MYO5A: variants seen among roughly 807,000 people sequenced by gnomAD.
The protein encoded by MYO5A is myosin VA.
Under a neutral mutation model 249.7 loss-of-function variants are expected in MYO5A, and 98 were observed. The observed-to-expected ratio is 0.39, with a 90% confidence interval of 0.33 to 0.46. The LOEUF (loss-of-function observed/expected upper bound fraction) is 0.46. Ranked by LOEUF, MYO5A falls within the 20% of genes least tolerant of loss-of-function variation. The probability of loss-of-function intolerance (pLI) is 0.98; values close to 1 mark genes in which losing one functional copy is unlikely to be tolerated. For missense variants in MYO5A, 1,696 were observed against 2,308.8 expected, an observed-to-expected ratio of 0.73 and a Z score of 5.44; for synonymous variants, 778 against 810.6, an observed-to-expected ratio of 0.96 and a Z score of 0.68.
rs1175905384 is a variant in MYO5A, at chr15:52,310,349, G to T, written c.*3347C>A. ...TAACCTGAGGAAAAGCTGCAAAAAG[G>T]GAAATTACTTTTAAATTTTCAGCTT... is the stretch of plus-strand genomic sequence containing the variant. On this transcript the variant is annotated 3_prime_UTR_variant, in exon 42 of 42. Coordinates refer to ENST00000399233, the MANE Select transcript of MYO5A (RefSeq NM_001382347.1). 1 of 152,206 alleles carries T rather than the reference G, an allele frequency of 6.6e-6. No homozygotes were observed. The highest frequency in any genetic ancestry group is 1.5e-5 in the Non-Finnish European group (1 of 68,046). The allele number at this position is 152,206 out of a possible 1,614,324, so 9.4% of individuals were successfully genotyped here.
chr15:52,507,803 C>CAAAAAAAAAAAAA (rs146846192), intron 1 of MYO5A, among the ~76,000 whole-genome samples: 4,930 of 125,450 alleles, frequency 0.039, 313 homozygotes, highest in Non-Finnish European at 0.052. Flanking sequence ...GACCCTGTCC[C>CAAAAAAAAAAAAA]CAAAAAAAAA....
At chr15:52,397,829 C>G (rs565407608) in intron 9 of MYO5A, among the ~76,000 whole-genome samples, 2 of 152,192 alleles carry the variant, frequency 1.3e-5, no homozygotes, top group Non-Finnish European at 2.9e-5. Flanking sequence ...AACATGGTCC[C>G]TGCCCTCCTA....
At chr15:52,342,637 G>A (rs968382581) in intron 31 of MYO5A, among the ~76,000 whole-genome samples, 5 of 152,088 alleles carry the variant, frequency 3.3e-5, no homozygotes, top group South Asian at 2.1e-4. Context: ...TGTTTGGACC[G>A]GGTGTGGTGG....
At chr15:52,351,192 G>A in intron 28 of MYO5A, 62 bp downstream of exon 28, 1 of 1,244,674 alleles carries the variant, frequency 8.0e-7, no homozygotes, top group Non-Finnish European at 1.2e-6. Flanking sequence ...CTGGAGGGAA[G>A]GGATAAGAAG....
Position 52,308,784 on chromosome 15 carries a change from G to A in MYO5A, c.*4912C>T, listed in dbSNP as rs2037690191. ...ATATCCTTTACAGAAGAAAAGTTCT[G>A]GAGAACTTAAGGCAGCTCTAGAAGG... On this transcript the variant is annotated 3_prime_UTR_variant, in exon 42 of 42. Coordinates refer to ENST00000399233, the MANE Select transcript of MYO5A (RefSeq NM_001382347.1). 1 of 152,728 alleles carries A rather than the reference G, an allele frequency of 6.5e-6. No individual in the cohort carries two copies. The highest frequency in any genetic ancestry group is 1.5e-5 in the Non-Finnish European group (1 of 68,100). The allele number at this position is 152,728 out of a possible 1,614,324, so 9.5% of individuals were successfully genotyped here.
intron 1 of MYO5A, among the ~76,000 whole-genome samples, chr15:52,471,988 T>C (rs1027659040): frequency 2.6e-5 from 4 of 151,886 alleles, no homozygotes; most frequent in Non-Finnish European, 4.4e-5. Flanking sequence ...CATGAGCCAC[T>C]GTTTCTGGTC....
rs753114393 is a variant in MYO5A at position 52,388,504 on chromosome 15, G to A, written c.1669-592C>T. Among the ~76,000 whole-genome samples, 54 of 152,104 alleles carry A rather than the reference G, an allele frequency of 3.6e-4. 1 individual carries two copies. The highest frequency in any genetic ancestry group is 1.2e-3 in the Admixed American group (18 of 15,284). The stretch of plus-strand genomic sequence containing the variant: ...AGCTTGCATGACAAAACCTTTAGGT[G>A]GCCCTAGGGTCATCTCAAGGCTTCT... On this transcript the variant is annotated intron_variant, in intron 13 of 41. Transcript: ENST00000399233.
At chr15:52,510,986 T>TCCTC (rs2077378938) in intron 1 of MYO5A, among the ~76,000 whole-genome samples, 1 of 152,180 alleles carries the variant, frequency 6.6e-6, no homozygotes, top group African/African-American at 2.4e-5. Context: ...TTTGTCTAGA[T>TCCTC]CCTCCTTAAA....
Position 52,395,746 on chromosome 15 carries a change from T to C in MYO5A, c.1401+570A>G, listed in dbSNP as rs138613449. Among the ~76,000 whole-genome samples, 1,250 of 152,282 alleles carry C rather than the reference T, an allele frequency of 8.2e-3. 16 individuals are homozygous for C. Among genetic ancestry groups the C allele is most frequent in the African/African-American group, 0.027 (1,134 of 41,532 alleles). The stretch of plus-strand genomic sequence containing the variant: ...ACACAGTTCACCTCTGGGCTCTGTG[T>C]CCTTCACTATTACAATCTGCTGCCC... On this transcript the variant is annotated intron_variant, in intron 11 of 41. Coordinates refer to ENST00000399233, the MANE Select transcript of MYO5A (RefSeq NM_001382347.1).
chr15:52,335,919 C>G lies in MYO5A; in HGVS notation c.4408+544G>C, dbSNP rs77511085. Among the ~76,000 whole-genome samples the G allele has an allele frequency of 6.1e-3, 931 of 152,262 alleles. 10 individuals carry two copies. Among genetic ancestry groups the G allele is most frequent in the African/African-American group, 0.021 (890 of 41,510 alleles). On this transcript the variant is annotated intron_variant, in intron 34 of 41. Transcript: ENST00000399233. ...TTTTTACTATGCGTCAGTAACTTTT[C>G]TAAGTGTAATATACTTATTAGGTTG...
At chr15:52,330,022 G>C (rs1596300032) in intron 35 of MYO5A, among the ~76,000 whole-genome samples, 2 of 147,878 alleles carry the variant, frequency 1.4e-5, no homozygotes, top group East Asian at 4.0e-4. Flanking sequence ...GACATTGCCA[G>C]GCTCTTCTCT....
intron 1 of MYO5A, among the ~76,000 whole-genome samples, chr15:52,496,768 T>C (rs2077045691): frequency 6.6e-6 from 1 of 152,168 alleles, no homozygotes; most frequent in South Asian, 2.1e-4. Context: ...AAGTTTAAGT[T>C]CTATTCAATA....
At chr15:52,442,201 C>T (rs1168466322) in intron 1 of MYO5A, among the ~76,000 whole-genome samples, 3 of 152,094 alleles carry the variant, frequency 2.0e-5, no homozygotes, top group Admixed American at 6.5e-5. Flanking sequence ...TCAGTCCCCA[C>T]CCAAACCCTA....
intron 20 of MYO5A, among the ~76,000 whole-genome samples, chr15:52,374,952 T>C (rs1362305450): frequency 6.6e-6 from 1 of 152,198 alleles, no homozygotes; most frequent in East Asian, 1.9e-4. Context: ...GTTTTGTTAA[T>C]AACTGTATGT....
chr15:52,414,370 T>G (rs1039852213), intron 5 of MYO5A, among the ~76,000 whole-genome samples: 2 of 152,192 alleles, frequency 1.3e-5, no homozygotes, highest in Admixed American at 6.5e-5. Context: ...GAGGCTATAG[T>G]TATAGCAACA....
At chr15:52,381,247 G>A (rs2141126979) in intron 16 of MYO5A, among the ~76,000 whole-genome samples, 1 of 152,264 alleles carries the variant, frequency 6.6e-6, no homozygotes, top group South Asian at 2.1e-4. Context: ...GGCTGTCCAG[G>A]ACAGAGGCCA....
At chr15:52,411,722 A>T (rs912479948) in intron 5 of MYO5A, among the ~76,000 whole-genome samples, 7 of 152,224 alleles carry the variant, frequency 4.6e-5, no homozygotes, top group African/African-American at 1.7e-4. Flanking sequence ...GAGTGATACA[A>T]ATGTAAGTAA....
At chr15:52,342,786 C>T (rs1334117519) in intron 31 of MYO5A, among the ~76,000 whole-genome samples, 1 of 151,750 alleles carries the variant, frequency 6.6e-6, no homozygotes, top group Non-Finnish European at 1.5e-5. Flanking sequence ...CATGTTGGTG[C>T]ACGCCTGTAA....
chr15:52,450,915 A>T (rs2076008968), intron 1 of MYO5A, among the ~76,000 whole-genome samples: 1 of 138,316 alleles, frequency 7.2e-6, no homozygotes, highest in Non-Finnish European at 1.5e-5. Flanking sequence ...TGGTGTGATC[A>T]TGGCTCAGTG....
Sources: allele counts gnomAD v4.1 joint callset (sites outside exome capture counted in the v4.1 genomes callset), GRCh38; gene constraint gnomAD v4.1.1; transcripts MANE v1.5; gene names NCBI Gene and HGNC (gene_info 2026-07-23, HGNC 2026-07-21).